SCRN1: variants seen among roughly 807,000 people sequenced by gnomAD.
SCRN1 encodes the protein secernin-1.
SCRN1 carries 19 observed loss-of-function variants against 43.3 expected under a neutral mutation model. That is an observed-to-expected ratio of 0.44 (90% CI 0.31 to 0.64). The LOEUF (loss-of-function observed/expected upper bound fraction) is 0.64, where lower values mean the gene tolerates loss of function less well. Ranked by LOEUF, SCRN1 falls within the 30% of genes least tolerant of loss-of-function variation. SCRN1 has a pLI of 0.09. For missense variants in SCRN1, 447 were observed against 524.1 expected, an observed-to-expected ratio of 0.85 and a Z score of 1.44; for synonymous variants, 183 against 188.9, an observed-to-expected ratio of 0.97 and a Z score of 0.26.
intron 6 of SCRN1, among the ~76,000 whole-genome samples, chr7:29,929,975 C>T (rs1394167342): frequency 6.6e-6 from 1 of 151,770 alleles, no homozygotes; most frequent in African/African-American, 2.4e-5. Flanking sequence ...GAAGAGATAC[C>T]ATAAGTTTGT....
intron 1 of SCRN1, among the ~76,000 whole-genome samples, chr7:29,970,734 T>C (rs1056278139): frequency 2.0e-5 from 3 of 152,198 alleles, no homozygotes; most frequent in Non-Finnish European, 4.4e-5. Flanking sequence ...GACTCTCTAA[T>C]ATCTCTCTTT....
At chr7:29,974,478 G>A (rs750268578) in intron 1 of SCRN1, among the ~76,000 whole-genome samples, 12 of 152,046 alleles carry the variant, frequency 7.9e-5, no homozygotes, top group Non-Finnish European at 1.5e-4. Flanking sequence ...TGGCCAGTCT[G>A]GAAGCCAGAG....
intron 3 of SCRN1, among the ~76,000 whole-genome samples, chr7:29,946,141 C>G (rs1406380686): frequency 6.6e-6 from 1 of 152,168 alleles, no homozygotes; most frequent in Admixed American, 6.5e-5. Flanking sequence ...GACTCGGTTA[C>G]AAGGCAGTGA....
Position 29,936,719 on chromosome 7 carries a change from T to C in SCRN1, c.742A>G (p.Ser248Gly), listed in dbSNP as rs760126470. The change falls in exon 6 of 8, where the codon AGC (serine) becomes GGC (glycine). Residue 248 changes from serine (S) to glycine (G), a missense_variant and splice_region_variant. Ser to Gly is a moderately conservative substitution (Grantham distance 56, BLOSUM62 0). Coordinates refer to ENST00000242059, the MANE Select transcript of SCRN1 (RefSeq NM_014766.5). ...TTCATCATAGTCTGCACTGTGATGCTTTCTGCAAAAACACAAAAGACAGAC... is the reference window on the plus strand; with the variant it reads ...TTCATCATAGTCTGCACTGTGATGCCTTCTGCAAAAACACAAAAGACAGAC... ...GKDSLEKQEESITVQTMMNTL... is the reference protein window; with the variant it reads ...GKDSLEKQEEGITVQTMMNTL... 2.5e-5 allele frequency: 39 copies of C among 1,531,092 alleles called. No individual in the cohort carries two copies. The highest frequency in any genetic ancestry group is 8.2e-5 in the African/African-American group (6 of 73,382). 94.8% of individuals were successfully genotyped at this position (1,531,092 alleles called of 1,614,324 possible).
At chr7:29,939,361 C>G (rs1424806060) in intron 5 of SCRN1, among the ~76,000 whole-genome samples, 1 of 152,154 alleles carries the variant, frequency 6.6e-6, no homozygotes, top group Non-Finnish European at 1.5e-5. Context: ...TATAGGCCCA[C>G]ATCACCACAT....
chr7:29,950,517 G>A lies in SCRN1; in HGVS notation c.341+4662C>T, dbSNP rs1452973615. Among the ~76,000 whole-genome samples, 1 of 152,238 alleles carries A rather than the reference G, an allele frequency of 6.6e-6. No individual in the cohort carries two copies. Among genetic ancestry groups the A allele is most frequent in the African/African-American group, 2.4e-5 (1 of 41,468 alleles). ...AAACCCCACCTTCAAGCCAGGAATG[G>A]CCGGAAGCCCGGAGGCTGGTCTGCT... On this transcript the variant is annotated intron_variant, in intron 3 of 7. Transcript: ENST00000242059. This position sits in a 1 kb window ranked among gnomAD's most constrained non-coding sequence, Gnocchi z 4.5.
At chr7:29,938,609 C>T (rs535708866) in intron 5 of SCRN1, among the ~76,000 whole-genome samples, 107 of 152,368 alleles carry the variant, frequency 7.0e-4, no homozygotes, top group Middle Eastern at 3.4e-3. Flanking sequence ...TTTCTTAAAC[C>T]ACAAACAATA....
rs554213343 is a variant in SCRN1 at position 29,920,333 on chromosome 7, T to C, written c.*3624A>G. The stretch of plus-strand genomic sequence containing the variant: ...ACACATTTAAATTCTCACAGCATAA[T>C]TGCAAACATGTACATATTGGTTCCC... On this transcript the variant is annotated 3_prime_UTR_variant, in exon 8 of 8. Transcript: ENST00000242059. 3 of 152,352 alleles carry C rather than the reference T, an allele frequency of 2.0e-5. No individual in the cohort carries two copies. Among genetic ancestry groups the C allele is most frequent in the Non-Finnish European group, 2.9e-5 (2 of 68,028 alleles). 9.4% of individuals were successfully genotyped at this position (152,352 alleles called of 1,614,324 possible).
intron 1 of SCRN1, 138 bp downstream of exon 1, chr7:29,989,504 T>A (rs1355423298): frequency 1.0e-6 from 1 of 969,050 alleles, no homozygotes; most frequent in Non-Finnish European, 1.2e-6. Flanking sequence ...GCACCGGGAA[T>A]CGGCCTGGGG....
At chr7:29,968,589 T>C (rs1364070611) in intron 2 of SCRN1, among the ~76,000 whole-genome samples, 1 of 152,174 alleles carries the variant, frequency 6.6e-6, no homozygotes, top group Admixed American at 6.5e-5. Flanking sequence ...TGATTACCTA[T>C]AGGGGAAAAG....
chr7:29,953,291 T>C (rs1391736739), intron 3 of SCRN1, among the ~76,000 whole-genome samples: 1 of 152,218 alleles, frequency 6.6e-6, no homozygotes, highest in Non-Finnish European at 1.5e-5. Flanking sequence ...CTAAAATCCC[T>C]TTGAAGCTTT....
At chr7:29,941,082 T>G (rs1787528854) in intron 4 of SCRN1, among the ~76,000 whole-genome samples, 1 of 152,226 alleles carries the variant, frequency 6.6e-6, no homozygotes, top group Non-Finnish European at 1.5e-5. Flanking sequence ...TGACTGGGCA[T>G]TATCACATTT....
intron 2 of SCRN1, among the ~76,000 whole-genome samples, chr7:29,968,447 T>C (rs983496921): frequency 3.9e-5 from 6 of 152,064 alleles, no homozygotes; most frequent in Admixed American, 3.3e-4. Flanking sequence ...GAGAAAAGTA[T>C]ATATGGCATG....
rs113422170 is a variant in SCRN1 at position 29,939,721 on chromosome 7, C to T, written c.739+961G>A. 3.7e-3 allele frequency among the ~76,000 whole-genome samples: 565 copies of T among 152,256 alleles called. 6 individuals are homozygous for T. Among genetic ancestry groups the T allele is most frequent in the African/African-American group, 0.012 (504 of 41,552 alleles). On this transcript the variant is annotated intron_variant, in intron 5 of 7. Transcript: ENST00000242059. ...CCCTGTCCTAAATGATCCAAAACTT[C>T]GCCTTATAAAATACATGCATCACCA...
Position 29,956,700 on chromosome 7 carries a change from T to C in SCRN1, c.160-1340A>G, listed in dbSNP as rs552834271. Among the ~76,000 whole-genome samples, 5 of 152,356 alleles carry C rather than the reference T, an allele frequency of 3.3e-5. No individual in the cohort carries two copies. In the South Asian group the frequency reaches 1.0e-3, roughly 32 times the overall value. On this transcript the variant is annotated intron_variant, in intron 2 of 7. Coordinates refer to ENST00000242059, the MANE Select transcript of SCRN1 (RefSeq NM_014766.5). ...GGTGTTGCTCTGCACTGGGATAATG[T>C]CATTTTACTTGATAAATATTTGCAA...
intron 1 of SCRN1, among the ~76,000 whole-genome samples, chr7:29,972,681 C>T (rs1456573425): frequency 1.3e-5 from 2 of 152,204 alleles, no homozygotes; most frequent in South Asian, 4.1e-4. Context: ...CTAGCCCAGG[C>T]TAACAGTCCA....
At chr7:29,957,110 GA>G (rs1358188286) in intron 2 of SCRN1, among the ~76,000 whole-genome samples, 1 of 152,088 alleles carries the variant, frequency 6.6e-6, no homozygotes, top group Non-Finnish European at 1.5e-5. Flanking sequence ...TAAAAGGGCA[GA>G]AAAAAAGTAA....
chr7:29,943,368 C>A (rs1164128525), intron 4 of SCRN1, among the ~76,000 whole-genome samples: 1 of 152,146 alleles, frequency 6.6e-6, no homozygotes, highest in East Asian at 1.9e-4. Flanking sequence ...ACACTTACTT[C>A]CCCAGGGCTG....
upstream of SCRN1, chr7:29,990,250 C>A (rs1204751424): frequency 6.4e-7 from 1 of 1,551,604 alleles, no homozygotes; most frequent in South Asian, 1.2e-5. Flanking sequence ...TGTTGGTAAG[C>A]CAGACCCTGT....
Sources: gnomAD v4.1 joint callset for allele counts (sites outside exome capture counted in the v4.1 genomes callset) on GRCh38, gnomAD v4.1.1 for gene constraint, Gnocchi (gnomAD v3.1) non-coding constraint, MANE v1.5 for transcripts, NCBI Gene and HGNC (gene_info 2026-07-23, HGNC 2026-07-21) for gene names.